HS6ST2: variants seen among roughly 807,000 people sequenced by gnomAD.
HS6ST2 encodes heparan-sulfate 6-O-sulfotransferase 2.
HS6ST2 carries 17 observed loss-of-function variants against 33.0 expected under a neutral mutation model. The ratio of observed to expected loss-of-function variants is 0.52; its 90% CI spans 0.35 to 0.77. The LOEUF (loss-of-function observed/expected upper bound fraction) is 0.77, where lower values mean the gene tolerates loss of function less well. HS6ST2 is among the 30% of genes least tolerant of loss of function. The pLI is 0.01. For missense variants in HS6ST2, 519 were observed against 551.7 expected (o/e 0.94, Z 0.59); for synonymous variants, 248 against 237.1 (o/e 1.05, Z -0.42).
rs2063499387 is a variant in HS6ST2, at chrX:132,629,067, C to T, written c.1094G>A (p.Arg365Gln). The change falls in exon 5 of 5, where the codon CGA (arginine) becomes CAA (glutamine). Residue 365 changes from arginine to glutamine, a missense_variant. Coordinates refer to ENST00000370833, the MANE Select transcript of HS6ST2 (RefSeq NM_001394073.1). ...ACTCAAGTACCGGGACACTGGGTCT[C>T]GGAGGATGGTGATGTAGTGGAAGTT... ...GKNFHYITIL[R>Q]DPVSRYLSEW... 1.7e-6 allele frequency: 2 copies of T among 1,197,207 alleles called. No homozygotes were observed. The highest frequency in any genetic ancestry group is 1.8e-5 in the African/African-American group (1 of 56,740).
chrX:132,898,403 A>G (rs576040475), intron 2 of HS6ST2, among the ~76,000 whole-genome samples: 138 of 104,682 alleles, frequency 1.3e-3, no homozygotes, highest in South Asian at 7.8e-3. Context: ...ATATATATAT[A>G]TATAAGCTTC....
At chrX:132,895,105 T>C (rs1247649645) in intron 2 of HS6ST2, among the ~76,000 whole-genome samples, 1 of 112,253 alleles carries the variant, frequency 8.9e-6, no homozygotes, top group Non-Finnish European at 1.9e-5. Flanking sequence ...GGTTTCCCTA[T>C]TCAAATAAAC....
At chrX:132,957,907 G>T (rs1218734358) in intron 1 of HS6ST2, among the ~76,000 whole-genome samples, 4 of 112,079 alleles carry the variant, frequency 3.6e-5, no homozygotes, top group African/African-American at 1.3e-4. Context: ...TCGGAGCCGG[G>T]GGCTCAGAGT....
At chrX:132,805,723 T>G (rs747406492) in intron 2 of HS6ST2, among the ~76,000 whole-genome samples, 1 of 110,173 alleles carries the variant, frequency 9.1e-6, no homozygotes, top group East Asian at 2.8e-4. Context: ...CTGCCCCCAC[T>G]TTCACATCCA....
At chrX:132,894,441 C>A (rs1474223364) in intron 2 of HS6ST2, among the ~76,000 whole-genome samples, 1 of 108,394 alleles carries the variant, frequency 9.2e-6, no homozygotes, top group African/African-American at 3.4e-5. Flanking sequence ...GTGCCAGGCC[C>A]GGGTTTCAGA....
At chrX:132,765,678 T>A (rs1484897851) in intron 2 of HS6ST2, among the ~76,000 whole-genome samples, 1 of 111,327 alleles carries the variant, frequency 9.0e-6, no homozygotes, top group Non-Finnish European at 1.9e-5. Flanking sequence ...CTTCAACTCC[T>A]GGGCTCAAGC....
At chrX:132,639,615 A>T (rs7883421) in intron 4 of HS6ST2, among the ~76,000 whole-genome samples, 33,063 of 110,333 alleles carry the variant, frequency 0.3, 5,256 homozygotes, top group African/African-American at 0.6. Flanking sequence ...CCCTCCACAT[A>T]TGGAACTTCT....
At chrX:132,633,883 C>T (rs1245137835) in intron 4 of HS6ST2, among the ~76,000 whole-genome samples, 1 of 111,845 alleles carries the variant, frequency 8.9e-6, no homozygotes, top group Admixed American at 9.5e-5. Flanking sequence ...CACGATCTGA[C>T]AAGCAACAAG....
At chrX:132,803,184 T>C (rs923966305) in intron 2 of HS6ST2, among the ~76,000 whole-genome samples, 1 of 111,646 alleles carries the variant, frequency 9.0e-6, no homozygotes, top group African/African-American at 3.3e-5. Flanking sequence ...GGCCCCCTAC[T>C]AGTTAGAGCT....
chrX:132,646,900 G>A (rs1183455069), intron 4 of HS6ST2, among the ~76,000 whole-genome samples: 1 of 112,156 alleles, frequency 8.9e-6, no homozygotes, highest in Non-Finnish European at 1.9e-5. Context: ...GACAGTGTGT[G>A]CAGGGGGACT....
At chrX:132,699,500 TTG>T (rs1456328024) in intron 3 of HS6ST2, among the ~76,000 whole-genome samples, 1 of 112,047 alleles carries the variant, frequency 8.9e-6, no homozygotes, top group Non-Finnish European at 1.9e-5. Context: ...CAATAAAACA[TTG>T]TGTTATTTTC....
intron 2 of HS6ST2, among the ~76,000 whole-genome samples, chrX:132,937,979 T>C (rs375318331): frequency 3.0e-5 from 3 of 101,409 alleles, no homozygotes; most frequent in East Asian, 2.9e-4. Context: ...CTGGACAACA[T>C]AGTGAGACCC....
intron 2 of HS6ST2, among the ~76,000 whole-genome samples, chrX:132,838,199 A>G (rs1388483269): frequency 9.0e-6 from 1 of 111,379 alleles, no homozygotes; most frequent in Non-Finnish European, 1.9e-5. Flanking sequence ...TTTACAACAC[A>G]CTATTTCCCT....
intron 2 of HS6ST2, among the ~76,000 whole-genome samples, chrX:132,930,566 G>C (rs1477649110): frequency 9.0e-6 from 1 of 111,156 alleles, no homozygotes; most frequent in African/African-American, 3.3e-5. Flanking sequence ...ACTGCAGCAA[G>C]TATATGGGTC....
At chrX:132,820,694 T>C (rs778149111) in intron 2 of HS6ST2, among the ~76,000 whole-genome samples, 1 of 111,322 alleles carries the variant, frequency 9.0e-6, no homozygotes, top group South Asian at 3.9e-4. Context: ...GCGTGAATGC[T>C]CGCTCTGGTA....
chrX:132,778,374 GTTGTT>G (rs202015293), intron 2 of HS6ST2, among the ~76,000 whole-genome samples: 1,245 of 111,240 alleles, frequency 0.011, 18 homozygotes, highest in African/African-American at 0.038. Context: ...AGCAAAAAAC[GTTGTT>G]TTGTTTTGTT....
At chrX:132,639,215 A>G (rs930484816) in intron 4 of HS6ST2, among the ~76,000 whole-genome samples, 5 of 112,073 alleles carry the variant, frequency 4.5e-5, no homozygotes, top group African/African-American at 1.3e-4. Context: ...AAAGCCCAGT[A>G]GGTTTCAAAG....
At chrX:132,765,105 G>A (rs2064834348) in intron 2 of HS6ST2, among the ~76,000 whole-genome samples, 2 of 112,423 alleles carry the variant, frequency 1.8e-5, no homozygotes, top group Admixed American at 9.4e-5. Flanking sequence ...GAGTTGGGGT[G>A]CAGGATGGCT....
intron 2 of HS6ST2, among the ~76,000 whole-genome samples, chrX:132,767,858 T>A (rs1353521945): frequency 9.0e-6 from 1 of 111,444 alleles, no homozygotes; most frequent in African/African-American, 3.3e-5. Context: ...AGAGGTTAAG[T>A]AACTTGCCCA....
Sources: allele counts gnomAD v4.1 joint callset (sites outside exome capture counted in the v4.1 genomes callset), GRCh38; gene constraint gnomAD v4.1.1; transcripts MANE v1.5; gene names NCBI Gene and HGNC (gene_info 2026-07-23, HGNC 2026-07-21).